The following CSGALNACT1 variants were observed in gnomAD, a reference collection of about 807,000 sequenced individuals.
The protein encoded by CSGALNACT1 is beta4GalNAcT-1.
Under a neutral mutation model 51.0 loss-of-function variants are expected in CSGALNACT1, and 52 were observed. The ratio of observed to expected loss-of-function variants is 1.02; its 90% CI spans 0.82 to 1.29. CSGALNACT1 has a LOEUF of 1.29. CSGALNACT1 is among the 50% of genes most tolerant of loss of function. The probability of loss-of-function intolerance (pLI) is 0.00; values close to 1 mark genes in which losing one functional copy is unlikely to be tolerated. For synonymous variants in CSGALNACT1, 341 were observed against 254.4 expected (o/e 1.34, Z -3.24); for missense variants, 935 against 679.2 (o/e 1.38, Z -4.19).
chr8:19,691,849 T>G (rs2154215840), intron 1 of CSGALNACT1, among the ~76,000 whole-genome samples: 2 of 152,238 alleles, frequency 1.3e-5, no homozygotes, highest in Admixed American at 1.3e-4. Flanking sequence ...TTGTGAGAAA[T>G]GCACATCTCC....
At chr8:19,468,870 C>A (rs2153837574) in intron 4 of CSGALNACT1, among the ~76,000 whole-genome samples, 1 of 152,204 alleles carries the variant, frequency 6.6e-6, no homozygotes, top group African/African-American at 2.4e-5. Flanking sequence ...GTCAGGTCAG[C>A]CAGGAAGAGT....
intron 1 of CSGALNACT1, among the ~76,000 whole-genome samples, chr8:19,628,127 C>A (rs7846346): frequency 6.6e-6 from 1 of 151,986 alleles, no homozygotes; most frequent in Non-Finnish European, 1.5e-5. Flanking sequence ...AGTCCTTACA[C>A]CTTTGCAGTA....
chr8:19,505,453 C>T (rs925794349), exon 4 of CSGALNACT1: 1 of 1,614,222 alleles, frequency 6.2e-7, no homozygotes, highest in Non-Finnish European at 8.5e-7. Flanking sequence ...GCCTTGTCCA[C>T]CTGCGAGTGC....
chr8:19,466,217 A>G (rs2066633236), intron 4 of CSGALNACT1, among the ~76,000 whole-genome samples: 1 of 152,242 alleles, frequency 6.6e-6, no homozygotes, highest in South Asian at 2.1e-4. Context: ...AGAAATGCTG[A>G]GAGTGGTAAA....
chr8:19,487,352 C>T (rs2073201205), intron 4 of CSGALNACT1, among the ~76,000 whole-genome samples: 1 of 152,128 alleles, frequency 6.6e-6, no homozygotes, highest in Non-Finnish European at 1.5e-5. Flanking sequence ...TACTGCTGTT[C>T]ATGCTTAGTC....
At chr8:19,650,231 G>A (rs1191940579) in intron 1 of CSGALNACT1, among the ~76,000 whole-genome samples, 1 of 152,186 alleles carries the variant, frequency 6.6e-6, no homozygotes, top group Non-Finnish European at 1.5e-5. Context: ...GATCAATGAG[G>A]TTGTAGAATC....
chr8:19,484,530 T>G (rs4921652), intron 4 of CSGALNACT1, among the ~76,000 whole-genome samples: 3 of 152,070 alleles, frequency 2.0e-5, no homozygotes, highest in African/African-American at 7.2e-5. Flanking sequence ...AGCAAAGGCA[T>G]GTCTTACATG....
At chr8:19,452,363 A>T (rs1015647126) in intron 5 of CSGALNACT1, among the ~76,000 whole-genome samples, 8 of 152,046 alleles carry the variant, frequency 5.3e-5, no homozygotes, top group African/African-American at 1.9e-4. Context: ...AATTTTAATG[A>T]AAGTGGAGAG....
Position 19,420,294 on chromosome 8 carries a change from G to A in CSGALNACT1, c.1132+46C>T, listed in dbSNP as rs562355966. 72 of 1,591,024 alleles carry A rather than the reference G, an allele frequency of 4.5e-5. 1 individual carries two copies. The highest frequency in any genetic ancestry group is 4.3e-4 in the South Asian group (39 of 90,502). On this transcript the variant is annotated intron_variant, in intron 7 of 9. Coordinates refer to ENST00000454498, the Ensembl canonical transcript of CSGALNACT1. ...CATCAAGAGGACGACACATGGGCCC[G>A]AGAGGGCTGGGGGCCACCTGAGCGT...
chr8:19,655,325 C>A (rs1401704873), intron 1 of CSGALNACT1, among the ~76,000 whole-genome samples: 1 of 152,112 alleles, frequency 6.6e-6, no homozygotes, highest in Admixed American at 6.6e-5. Context: ...TCTTTCTCAA[C>A]TATACAGTCA....
At chr8:19,485,049 G>T (rs1252863597) in intron 4 of CSGALNACT1, among the ~76,000 whole-genome samples, 1 of 152,160 alleles carries the variant, frequency 6.6e-6, no homozygotes, top group African/African-American at 2.4e-5. Flanking sequence ...AACTTCTCTT[G>T]TCTCAGGCTT....
At chr8:19,746,299 C>T (rs1443211592) in intron 1 of CSGALNACT1, among the ~76,000 whole-genome samples, 1 of 152,054 alleles carries the variant, frequency 6.6e-6, no homozygotes, top group East Asian at 1.9e-4. Context: ...GCCAGGCATA[C>T]AGTAGAAGTC....
In CSGALNACT1 at chr8:19,656,136, A is replaced by G. The variant is rs777713890; in HGVS notation, c.-544+26337T>C. Among the ~76,000 whole-genome samples the G allele has an allele frequency of 3.0e-4, 45 of 152,198 alleles. 1 individual carries two copies. The highest frequency in any genetic ancestry group is 2.2e-3 in the Admixed American group (33 of 15,276). ...GTCATCATGGACTCTCATGTTATGA[A>G]AAGTTTCTGACCAATAGCAACAAAG... On this transcript the variant is annotated intron_variant, in intron 1 of 9. Transcript: ENST00000332246.
intron 1 of CSGALNACT1, among the ~76,000 whole-genome samples, chr8:19,679,034 T>G (rs1428735537): frequency 6.6e-6 from 1 of 152,216 alleles, no homozygotes; most frequent in Non-Finnish European, 1.5e-5. Flanking sequence ...AAGGAAACAG[T>G]CTTACAAACG....
chr8:19,488,537 A>G (rs952610999), intron 4 of CSGALNACT1, among the ~76,000 whole-genome samples: 1 of 151,798 alleles, frequency 6.6e-6, no homozygotes, highest in Non-Finnish European at 1.5e-5. Context: ...TGAACCCATG[A>G]CTACTTAACG....
intron 4 of CSGALNACT1, among the ~76,000 whole-genome samples, chr8:19,496,226 A>G (rs996346666): frequency 2.0e-5 from 3 of 152,258 alleles, no homozygotes; most frequent in African/African-American, 7.2e-5. Context: ...GGTAAAAGAT[A>G]GGGTTTTTAA....
intron 3 of CSGALNACT1, among the ~76,000 whole-genome samples, chr8:19,574,250 G>A (rs1190746782): frequency 6.6e-6 from 1 of 152,138 alleles, no homozygotes; most frequent in Non-Finnish European, 1.5e-5. Flanking sequence ...TGTATGAGCT[G>A]CTCTACTGGG....
intron 3 of CSGALNACT1, among the ~76,000 whole-genome samples, chr8:19,531,395 T>C (rs911611624): frequency 2.0e-5 from 3 of 152,208 alleles, no homozygotes; most frequent in Non-Finnish European, 2.9e-5. Context: ...CTAAAGAAAT[T>C]GCAGGGCAGG....
At chr8:19,430,792 G>C (rs2059539567) in intron 6 of CSGALNACT1, among the ~76,000 whole-genome samples, 1 of 152,056 alleles carries the variant, frequency 6.6e-6, no homozygotes, top group Non-Finnish European at 1.5e-5. Context: ...ACTGAGTACT[G>C]TCATTTGAAG....
Sources: allele counts gnomAD v4.1 joint callset (sites outside exome capture counted in the v4.1 genomes callset), GRCh38; gene constraint gnomAD v4.1.1; transcripts MANE v1.5; gene names NCBI Gene and HGNC (gene_info 2026-07-23, HGNC 2026-07-21).